Variants in BAZ2A observed in about 807,000 individuals in gnomAD.
The protein encoded by BAZ2A is bromodomain adjacent to zinc finger domain 2A, also known as bromodomain adjacent to zinc finger domain protein 2A.
BAZ2A carries 34 observed loss-of-function variants against 199.9 expected under a neutral mutation model. That is an observed-to-expected ratio of 0.17 (90% CI 0.13 to 0.23). The LOEUF is 0.23. Ranked by LOEUF, BAZ2A falls within the 10% of genes least tolerant of loss-of-function variation. The pLI, the probability that BAZ2A is intolerant of heterozygous loss-of-function variation, is 1.00. For synonymous variants in BAZ2A, 857 were observed against 883.9 expected, an observed-to-expected ratio of 0.97 and a Z score of 0.54; for missense variants, 2,002 against 2,391.1, an observed-to-expected ratio of 0.84 and a Z score of 3.39.
At chr12:56,625,945 T>C (rs1379199002) in intron 1 of BAZ2A, among the ~76,000 whole-genome samples, 2 of 151,518 alleles carry the variant, frequency 1.3e-5, no homozygotes, top group African/African-American at 4.8e-5. Flanking sequence ...TTGGCAAGAT[T>C]ACAGTATTTT....
At position 56,604,298 on chromosome 12, in the gene BAZ2A, G is replaced by A. The variant is rs1950275568; in HGVS notation, c.2964-7C>T. On this transcript the variant is annotated splice_region_variant and splice_polypyrimidine_tract_variant and intron_variant, in intron 15 of 28. Coordinates refer to ENST00000549884, the MANE Select transcript of BAZ2A (RefSeq NM_001300905.2). ...CAGAGTCTTGTCAATCTCACTGCAG[G>A]GGAATAGGGAATAGGATGAAGTGGC... is the stretch of plus-strand genomic sequence containing the variant. 3 of 1,602,034 alleles carry A rather than the reference G, an allele frequency of 1.9e-6. No individual in the cohort carries two copies. Among genetic ancestry groups the A allele is most frequent in the Non-Finnish European group, 1.7e-6 (2 of 1,173,102 alleles).
chr12:56,613,804 T>C, intron 4 of BAZ2A, 149 bp downstream of exon 4: 1 of 729,870 alleles, frequency 1.4e-6, no homozygotes, highest in Non-Finnish European at 2.1e-6. Flanking sequence ...CACCAAGTCC[T>C]GTGGCATGTA....
intron 1 of BAZ2A, among the ~76,000 whole-genome samples, chr12:56,617,992 CTT>C (rs760259826): frequency 8.5e-5 from 13 of 152,194 alleles, no homozygotes; most frequent in Admixed American, 6.5e-5. Flanking sequence ...GATAAACACT[CTT>C]TGTTTCATTA....
chr12:56,617,751 T>C (rs573029081), intron 1 of BAZ2A, among the ~76,000 whole-genome samples: 64 of 152,290 alleles, frequency 4.2e-4, no homozygotes, highest in South Asian at 1.5e-3. Flanking sequence ...AAGCCAGCTT[T>C]GTAGATTAAA....
At chr12:56,599,448 C>T in intron 26 of BAZ2A, 90 bp from the exon 27 acceptor site, 1 of 1,414,740 alleles carries the variant, frequency 7.1e-7, no homozygotes, top group East Asian at 2.5e-5. Context: ...TTTAAGGCTT[C>T]AAAATACTAT....
In BAZ2A at chr12:56,613,006, G is replaced by A. The variant is rs951610022; in HGVS notation, c.1135+9C>T. The A allele has an allele frequency of 2.3e-5, 37 of 1,605,418 alleles. No individual in the cohort carries two copies. Among genetic ancestry groups the A allele is most frequent in the Non-Finnish European group, 2.9e-5 (34 of 1,173,248 alleles). On this transcript the variant is annotated intron_variant, in intron 5 of 28. Transcript: ENST00000549884. The stretch of plus-strand genomic sequence containing the variant: ...AAGGTCTTTCTTTGTCCTACCTACC[G>A]TCACTTACCTTGCAGGACAGACTCC...
intron 28 of BAZ2A, 39 bp from the exon 29 acceptor site, chr12:56,598,822 G>A (rs767983997): frequency 3.8e-5 from 61 of 1,609,636 alleles, no homozygotes; most frequent in Non-Finnish European, 4.8e-5. Flanking sequence ...CTGGGTAGGA[G>A]TTGCAGCAGT....
At chr12:56,614,834 G>A in intron 3 of BAZ2A, 180 bp downstream of exon 3, 1 of 684,124 alleles carries the variant, frequency 1.5e-6, no homozygotes, top group Non-Finnish European at 2.5e-6. Flanking sequence ...CCACTCGCGA[G>A]CTGGTGCTGC....
rs1360036338 is a variant in BAZ2A, at chr12:56,604,806, G to A, written c.2749-7C>T. 1 of 1,612,390 alleles carries A rather than the reference G, an allele frequency of 6.2e-7. No homozygotes were observed. The highest frequency in any genetic ancestry group is 1.1e-5 in the South Asian group (1 of 90,720). On this transcript the variant is annotated splice_region_variant and splice_polypyrimidine_tract_variant and intron_variant, in intron 14 of 28. Transcript: ENST00000549884. ...CCCCCAAGATCTTTAGGGACTGTGT[G>A]GAGGACAGCATAATGGGGGTGAGTA...
intron 1 of BAZ2A, chr12:56,621,281 T>C (rs191937014): frequency 1.5e-5 from 15 of 983,392 alleles, no homozygotes; most frequent in African/African-American, 1.7e-5. Context: ...ATCCTGTTTT[T>C]GTAAATATTA....
chr12:56,603,487 T>C (rs1209074652), intron 17 of BAZ2A, 33 bp downstream of exon 17: 1 of 1,613,854 alleles, frequency 6.2e-7, no homozygotes, highest in Middle Eastern at 1.6e-4. Flanking sequence ...ATTTATTTTC[T>C]AACTCCCACT....
At chr12:56,608,275 G>A (rs1289462456) in intron 10 of BAZ2A, among the ~76,000 whole-genome samples, 1 of 151,894 alleles carries the variant, frequency 6.6e-6, no homozygotes, top group Non-Finnish European at 1.5e-5. Flanking sequence ...GGGAGGCCGA[G>A]GCAGGAGAAT....
chr12:56,618,835 A>C (rs1249386026), intron 1 of BAZ2A, among the ~76,000 whole-genome samples: 1 of 152,020 alleles, frequency 6.6e-6, no homozygotes, highest in Non-Finnish European at 1.5e-5. Context: ...GCGCCATTGC[A>C]CTCCAGCCTG....
Position 56,597,567 on chromosome 12 carries a change from C to CACACACACACAT in BAZ2A, c.*1050_*1051insATGTGTGTGTGT, listed in dbSNP as rs1350058824. ...CAATACAGGGTCACAAGCACGCACACACACACACACACACAGCGCGCGCTC... is the reference window on the plus strand; with the variant it reads ...CAATACAGGGTCACAAGCACGCACACACACACACACATACACACACACACACAGCGCGCGCTC... On this transcript the variant is annotated 3_prime_UTR_variant, in exon 29 of 29. Coordinates refer to ENST00000549884, the MANE Select transcript of BAZ2A (RefSeq NM_001300905.2). The CACACACACACAT allele has an allele frequency of 2.1e-5, 3 of 142,648 alleles. No homozygotes were observed. Among genetic ancestry groups the CACACACACACAT allele is most frequent in the African/African-American group, 7.9e-5 (3 of 37,820 alleles). 8.8% of individuals were successfully genotyped at this position (142,648 alleles called of 1,614,324 possible).
At chr12:56,629,058 C>T (rs936503153) in intron 1 of BAZ2A, among the ~76,000 whole-genome samples, 2 of 152,038 alleles carry the variant, frequency 1.3e-5, no homozygotes, top group Non-Finnish European at 2.9e-5. Context: ...AAAGGTCTCT[C>T]GGGCCACATG....
chr12:56,617,669 T>C, intron 1 of BAZ2A, 137 bp from the exon 2 acceptor site: 6 of 957,062 alleles, frequency 6.3e-6, no homozygotes, highest in African/African-American at 1.7e-5. Context: ...TGAGGGAAGG[T>C]ACAGAATAAG....
At chr12:56,612,546 A>G (rs1950590493) in intron 5 of BAZ2A, among the ~76,000 whole-genome samples, 1 of 152,232 alleles carries the variant, frequency 6.6e-6, no homozygotes, top group South Asian at 2.1e-4. Context: ...CACAGGTCGG[A>G]GTATAGCAGC....
intron 13 of BAZ2A, 59 bp from the exon 14 acceptor site, chr12:56,605,386 C>T (rs1261122430): frequency 2.6e-5 from 38 of 1,479,502 alleles, no homozygotes; most frequent in Non-Finnish European, 3.4e-5. Context: ...TGACAATTTG[C>T]ATGTCTACAA....
intron 23 of BAZ2A, 54 bp from the exon 24 acceptor site, chr12:56,600,544 T>C (rs1886349347): frequency 3.2e-6 from 5 of 1,565,900 alleles, no homozygotes; most frequent in African/African-American, 1.4e-5. Context: ...AAATTTGGCA[T>C]AGGAAAAAAA....
Sources: gnomAD v4.1 joint callset for allele counts (sites outside exome capture counted in the v4.1 genomes callset) on GRCh38, gnomAD v4.1.1 for gene constraint, MANE v1.5 for transcripts, NCBI Gene and HGNC (gene_info 2026-07-23, HGNC 2026-07-21) for gene names.